NPSR1: variants seen among roughly 807,000 people sequenced by gnomAD.
NPSR1 encodes the protein neuropeptide S receptor.
In NPSR1, 48 loss-of-function variants were observed where a neutral mutation model predicts 46.9. The observed-to-expected ratio is 1.02, with a 90% confidence interval of 0.81 to 1.30. The LOEUF is 1.30. NPSR1 is among the 50% of genes most tolerant of loss of function. The probability of loss-of-function intolerance (pLI) is 0.00; values close to 1 mark genes in which losing one functional copy is unlikely to be tolerated. For synonymous variants in NPSR1, 176 were observed against 168.1 expected (o/e 1.05, Z -0.36); for missense variants, 450 against 449.5 (o/e 1.00, Z -0.01).
At chr7:34,784,167 C>T (rs1049080682) in intron 3 of NPSR1, among the ~76,000 whole-genome samples, 2 of 152,188 alleles carry the variant, frequency 1.3e-5, no homozygotes, top group Non-Finnish European at 2.9e-5. Flanking sequence ...TAATTGAATA[C>T]CCTTCATTTC....
intron 7 of NPSR1, among the ~76,000 whole-genome samples, chr7:34,847,620 C>G (rs538959028): frequency 3.9e-5 from 6 of 152,148 alleles, no homozygotes; most frequent in Admixed American, 6.5e-5. Flanking sequence ...AACGTCCTAG[C>G]TCGAAGACAG....
chr7:34,691,456 A>G (rs911336307), intron 2 of NPSR1, among the ~76,000 whole-genome samples: 2 of 152,194 alleles, frequency 1.3e-5, no homozygotes, highest in African/African-American at 4.8e-5. Flanking sequence ...ACTATCTGCT[A>G]CCTACAAGAT....
At chr7:34,860,379 A>G (rs6964624) in intron 8 of NPSR1, among the ~76,000 whole-genome samples, 2,105 of 151,972 alleles carry the variant, frequency 0.014, 106 homozygotes, top group African/African-American at 0.041. Context: ...TAATCCATTC[A>G]TGTTAAAAAT....
chr7:34,848,366 T>C, intron 7 of NPSR1, 117 bp from the exon 8 acceptor site: 2 of 815,542 alleles, frequency 2.5e-6, no homozygotes, highest in South Asian at 3.3e-5. Flanking sequence ...AACTCCAATA[T>C]TTCTGAGAAA....
intron 2 of NPSR1, among the ~76,000 whole-genome samples, chr7:34,721,132 T>C (rs1207761124): frequency 6.6e-6 from 1 of 152,034 alleles, no homozygotes; most frequent in Non-Finnish European, 1.5e-5. Context: ...AATAGGATGG[T>C]AAGAAAGAAC....
intron 8 of NPSR1, 40 bp from the exon 9 acceptor site, chr7:34,849,525 C>A: frequency 6.2e-7 from 1 of 1,611,552 alleles, no homozygotes; most frequent in South Asian, 1.1e-5. Context: ...TTCATTAGGT[C>A]AAATTATTTC....
rs1413711156 is a variant in NPSR1, at chr7:34,843,528, A to G, written c.758-1368A>G. ...GAGTTTTCGCAGGGACATTCAAACC[A>G]TAGCAGCATCTCGCTCATCTCAACC... On this transcript the variant is annotated intron_variant, in intron 6 of 8. Coordinates refer to ENST00000360581, the MANE Select transcript of NPSR1 (RefSeq NM_207172.2). 3.9e-5 allele frequency among the ~76,000 whole-genome samples: 6 copies of G among 152,246 alleles called. No individual in the cohort carries two copies. In the East Asian group the frequency reaches 7.7e-4, roughly 20 times the overall value.
At chr7:34,799,401 G>A (rs1035776466) in intron 3 of NPSR1, among the ~76,000 whole-genome samples, 2 of 151,764 alleles carry the variant, frequency 1.3e-5, no homozygotes, top group Non-Finnish European at 2.9e-5. Context: ...ATCAAGAAAA[G>A]AAGAGGATTC....
Position 34,658,311 on chromosome 7 carries a change from G to A in NPSR1, c.-102G>A, listed in dbSNP as rs1791278006. 19 of 1,369,974 alleles carry A rather than the reference G, an allele frequency of 1.4e-5. No individual in the cohort carries two copies. Among genetic ancestry groups the A allele is most frequent in the South Asian group, 1.2e-4 (9 of 76,244 alleles). 84.9% of individuals were successfully genotyped at this position (1,369,974 alleles called of 1,614,324 possible). On this transcript the variant is annotated 5_prime_UTR_variant, in exon 1 of 9. Coordinates refer to ENST00000360581, the MANE Select transcript of NPSR1 (RefSeq NM_207172.2). The stretch of plus-strand genomic sequence containing the variant: ...GGCTCAGGGAGGGCTCTGTGCCTCC[G>A]TTCAGCAGAGCTGCAGCTGCTGCCC...
At chr7:34,821,081 G>A (rs1486611388) in intron 4 of NPSR1, among the ~76,000 whole-genome samples, 2 of 151,342 alleles carry the variant, frequency 1.3e-5, no homozygotes, top group Middle Eastern at 3.4e-3. Flanking sequence ...AGGTTGGGGG[G>A]CCTTATAACT....
At chr7:34,832,905 G>A (rs569345737) in intron 5 of NPSR1, among the ~76,000 whole-genome samples, 92 of 152,244 alleles carry the variant, frequency 6.0e-4, no homozygotes, top group African/African-American at 2.1e-3. Flanking sequence ...TCAACTTAGG[G>A]TTGAACTCAC....
At chr7:34,672,518 T>G (rs558433958) in intron 1 of NPSR1, among the ~76,000 whole-genome samples, 1 of 139,990 alleles carries the variant, frequency 7.1e-6, no homozygotes, top group Non-Finnish European at 1.5e-5. Flanking sequence ...ACGTTTAGGA[T>G]GTGGGAGATT....
intron 7 of NPSR1, chr7:34,845,575 C>T: frequency 2.2e-6 from 1 of 455,976 alleles, no homozygotes; most frequent in Non-Finnish European, 4.4e-6. Context: ...ACGCCACCTC[C>T]CTGAGGGCTC....
intron 2 of NPSR1, chr7:34,750,166 T>C (rs1363524644): frequency 2.9e-6 from 1 of 342,950 alleles, no homozygotes; most frequent in Non-Finnish European, 5.4e-6. Flanking sequence ...AGGCAAATAT[T>C]CTACAAGGGG....
chr7:34,723,101 C>G (rs1459205896), intron 2 of NPSR1, among the ~76,000 whole-genome samples: 1 of 152,180 alleles, frequency 6.6e-6, no homozygotes, highest in Non-Finnish European at 1.5e-5. Context: ...GCAAATCCGT[C>G]CATCCTGGCT....
In NPSR1 at chr7:34,818,678, G is replaced by T. The variant is rs557025538; in HGVS notation, c.478+6815G>T. Among the ~76,000 whole-genome samples, 25 of 152,230 alleles carry T rather than the reference G, an allele frequency of 1.6e-4. No homozygotes were observed. The East Asian group carries it at 4.8e-3, about 29-fold the overall frequency. ...ACCTGACTTCAAACTGTAGTACAAG[G>T]CCACAGTAACCAAAACAGCAAGGTA... is the stretch of plus-strand genomic sequence containing the variant. On this transcript the variant is annotated intron_variant, in intron 4 of 8. Coordinates refer to ENST00000360581, the MANE Select transcript of NPSR1 (RefSeq NM_207172.2).
At chr7:34,873,271 C>T (rs1791498429) in intron 8 of NPSR1, among the ~76,000 whole-genome samples, 2 of 151,798 alleles carry the variant, frequency 1.3e-5, no homozygotes, top group South Asian at 2.1e-4. Flanking sequence ...CTTCTGAAAC[C>T]TCCAAATTCT....
At chr7:34,760,162 T>A (rs1287240294) in intron 2 of NPSR1, among the ~76,000 whole-genome samples, 1 of 152,194 alleles carries the variant, frequency 6.6e-6, no homozygotes, top group Non-Finnish European at 1.5e-5. Flanking sequence ...AAGCCTCTAC[T>A]TCTTATGTGT....
At chr7:34,761,493 G>A (rs1305581699) in intron 2 of NPSR1, among the ~76,000 whole-genome samples, 1 of 152,194 alleles carries the variant, frequency 6.6e-6, no homozygotes, top group South Asian at 2.1e-4. Flanking sequence ...ATATCTCTAT[G>A]TCTGCCTCAT....
Sources: allele counts gnomAD v4.1 joint callset (sites outside exome capture counted in the v4.1 genomes callset), GRCh38; gene constraint gnomAD v4.1.1; transcripts MANE v1.5; gene names NCBI Gene and HGNC (gene_info 2026-07-23, HGNC 2026-07-21).